FHIT: variants seen among roughly 807,000 people sequenced by gnomAD.
FHIT encodes fragile histidine triad diadenosine triphosphatase, also known as bis(5'-adenosyl)-triphosphatase.
Under a neutral mutation model 17.9 loss-of-function variants are expected in FHIT, and 19 were observed. The ratio of observed to expected loss-of-function variants is 1.06; its 90% confidence interval spans 0.74 to 1.56. The LOEUF is 1.56. Ranked by LOEUF, FHIT falls within the 40% of genes most tolerant of loss-of-function variation. The pLI, the probability that FHIT is intolerant of heterozygous loss-of-function variation, is 0.00. For synonymous variants in FHIT, 81 were observed against 69.7 expected, an observed-to-expected ratio of 1.16 and a Z score of -0.81; for missense variants, 248 against 189.2, an observed-to-expected ratio of 1.31 and a Z score of -1.82.
At chr3:61,087,067 A>T (rs1344275402) in intron 2 of FHIT, among the ~76,000 whole-genome samples, 2 of 152,002 alleles carry the variant, frequency 1.3e-5, no homozygotes, top group Non-Finnish European at 2.9e-5. Flanking sequence ...TGATCTTCAC[A>T]TGCCTGCCTC....
chr3:60,792,296 A>G (rs1700806619), intron 4 of FHIT, among the ~76,000 whole-genome samples: 1 of 152,222 alleles, frequency 6.6e-6, no homozygotes, highest in Non-Finnish European at 1.5e-5. Context: ...TATGCTATAA[A>G]TTACCCTGTT....
rs62238402 is a variant in FHIT at position 60,031,669 on chromosome 3, C to T, written c.104-17517G>A. 6.5e-3 allele frequency among the ~76,000 whole-genome samples: 993 copies of T among 152,232 alleles called. 6 individuals are homozygous for T. The highest frequency in any genetic ancestry group is 0.011 in the Non-Finnish European group (764 of 68,014). On this transcript the variant is annotated intron_variant, in intron 5 of 9. Coordinates refer to ENST00000492590, the MANE Select transcript of FHIT (RefSeq NM_002012.4). Reference sequence around the variant, plus strand: ...TCTAGCATTAAAAGCAAAAGGACCCCCACCATTTTAAATCCCTAAAAATAT... The same window carrying T: ...TCTAGCATTAAAAGCAAAAGGACCCTCACCATTTTAAATCCCTAAAAATAT...
At chr3:59,885,065 A>G (rs1425354963) in intron 8 of FHIT, among the ~76,000 whole-genome samples, 3 of 152,250 alleles carry the variant, frequency 2.0e-5, no homozygotes. Flanking sequence ...AGATTTGCTA[A>G]TTTTTAAAAA....
intron 8 of FHIT, among the ~76,000 whole-genome samples, chr3:59,790,108 T>C (rs1699485932): frequency 6.6e-6 from 1 of 152,218 alleles, no homozygotes; most frequent in Non-Finnish European, 1.5e-5. Context: ...TAAGAGCAGA[T>C]TCTAAAATGG....
At chr3:59,769,121 C>G (rs1472271991) in intron 8 of FHIT, among the ~76,000 whole-genome samples, 2 of 152,198 alleles carry the variant, frequency 1.3e-5, no homozygotes, top group African/African-American at 2.4e-5. Flanking sequence ...TGGCATCCTA[C>G]CCTGATTTGT....
intron 4 of FHIT, among the ~76,000 whole-genome samples, chr3:60,758,839 A>G (rs1699538369): frequency 6.6e-6 from 1 of 152,144 alleles, no homozygotes; most frequent in South Asian, 2.1e-4. Context: ...ATGATATCTT[A>G]TGTGCTTATA....
At chr3:60,941,802 T>C (rs1004110979) in intron 3 of FHIT, among the ~76,000 whole-genome samples, 1 of 152,180 alleles carries the variant, frequency 6.6e-6, no homozygotes, top group Non-Finnish European at 1.5e-5. Flanking sequence ...ATTTTCTTTC[T>C]GCTCTGTATT....
At chr3:60,916,814 G>A (rs1281081262) in intron 3 of FHIT, among the ~76,000 whole-genome samples, 1 of 152,150 alleles carries the variant, frequency 6.6e-6, no homozygotes, top group Non-Finnish European at 1.5e-5. Context: ...GGTGACGACA[G>A]CTATAATAGC....
At chr3:60,515,485 GAACT>G (rs564806173) in intron 5 of FHIT, among the ~76,000 whole-genome samples, 98 of 151,498 alleles carry the variant, frequency 6.5e-4, no homozygotes, top group African/African-American at 2.3e-3. Context: ...ACCCCAAAGA[GAACT>G]AACCACACAA....
chr3:60,114,839 G>T (rs1047309461), intron 5 of FHIT, among the ~76,000 whole-genome samples: 3 of 152,034 alleles, frequency 2.0e-5, no homozygotes, highest in Non-Finnish European at 4.4e-5. Context: ...GCAATTGTTG[G>T]AAGTGTACTG....
At chr3:59,818,754 G>A (rs1300549652) in intron 8 of FHIT, among the ~76,000 whole-genome samples, 1 of 152,162 alleles carries the variant, frequency 6.6e-6, no homozygotes, top group South Asian at 2.1e-4. Flanking sequence ...TACAGGGTGC[G>A]GTCACTTCTG....
intron 3 of FHIT, among the ~76,000 whole-genome samples, chr3:60,878,536 A>C (rs954262684): frequency 5.3e-5 from 8 of 151,654 alleles, no homozygotes; most frequent in African/African-American, 1.7e-4. Context: ...ACATGTGCAC[A>C]ATGTGCAGGT....
At chr3:59,965,968 G>C (rs60347439) in intron 7 of FHIT, among the ~76,000 whole-genome samples, 14,683 of 152,112 alleles carry the variant, frequency 0.097, 888 homozygotes, top group Admixed American at 0.13. Context: ...CGTCTTAAAG[G>C]CCTTTCTAGA....
intron 5 of FHIT, among the ~76,000 whole-genome samples, chr3:60,317,378 C>T (rs541170257): frequency 1.9e-4 from 29 of 151,398 alleles, no homozygotes; most frequent in African/African-American, 6.3e-4. Flanking sequence ...TAAAACAATC[C>T]CTTTACCAAA....
chr3:60,188,223 T>TTG (rs1332395714), intron 5 of FHIT, among the ~76,000 whole-genome samples: 1 of 150,518 alleles, frequency 6.6e-6, no homozygotes, highest in Non-Finnish European at 1.5e-5. Context: ...TTTTTTTTTT[T>TTG]TTTTACCATT....
chr3:61,138,076 C>A (rs997073031), intron 2 of FHIT, among the ~76,000 whole-genome samples: 2 of 151,888 alleles, frequency 1.3e-5, no homozygotes, highest in Non-Finnish European at 2.9e-5. Context: ...TCCTCTTCTA[C>A]AAAATGGGAA....
intron 1 of FHIT, among the ~76,000 whole-genome samples, chr3:61,226,343 GC>G (rs1379442640): frequency 6.6e-6 from 1 of 152,144 alleles, no homozygotes; most frequent in East Asian, 1.9e-4. Flanking sequence ...CAGATGAGTT[GC>G]CCTTCACAAA....
chr3:60,439,565 C>G (rs981546866), intron 5 of FHIT, among the ~76,000 whole-genome samples: 19 of 150,530 alleles, frequency 1.3e-4, no homozygotes, highest in African/African-American at 3.3e-4. Context: ...CCTGAGTCAT[C>G]AGTCAGTGAT....
At chr3:60,977,571 G>A (rs1710315277) in intron 3 of FHIT, among the ~76,000 whole-genome samples, 1 of 152,128 alleles carries the variant, frequency 6.6e-6, no homozygotes, top group Non-Finnish European at 1.5e-5. Flanking sequence ...ATGCTGGCAT[G>A]CTCTGTTAGA....
Sources: gnomAD v4.1 joint callset for allele counts (sites outside exome capture counted in the v4.1 genomes callset) on GRCh38, gnomAD v4.1.1 for gene constraint, MANE v1.5 for transcripts, NCBI Gene and HGNC (gene_info 2026-07-23, HGNC 2026-07-21) for gene names.